CLYBL: variants seen among roughly 807,000 people sequenced by gnomAD.
CLYBL encodes the protein citramalyl-CoA lyase, also known as citramalyl-CoA lyase, mitochondrial.
In CLYBL, 31 loss-of-function variants were observed where a neutral mutation model predicts 38.9. The ratio of observed to expected loss-of-function variants is 0.80; its 90% CI spans 0.60 to 1.08. The LOEUF (loss-of-function observed/expected upper bound fraction) is 1.08. Among genes scored for constraint, CLYBL ranks in the 50% least tolerant of loss-of-function variants. CLYBL has a pLI of 0.00. For synonymous variants in CLYBL, 171 were observed against 158.6 expected (o/e 1.08, Z -0.59); for missense variants, 434 against 411.6 (o/e 1.05, Z -0.47).
chr13:99,802,425 A>G (rs917498162), intron 2 of CLYBL, among the ~76,000 whole-genome samples: 6 of 152,218 alleles, frequency 3.9e-5, no homozygotes, highest in African/African-American at 1.4e-4. Flanking sequence ...AGCAGAATGT[A>G]GCACATTTAG....
chr13:99,686,698 T>C (rs2047823229), intron 1 of CLYBL, among the ~76,000 whole-genome samples: 1 of 152,260 alleles, frequency 6.6e-6, no homozygotes, highest in African/African-American at 2.4e-5. Context: ...AATCTCCACT[T>C]CTGTCTGGAT....
intron 1 of CLYBL, among the ~76,000 whole-genome samples, chr13:99,730,405 G>C (rs1314550306): frequency 6.6e-6 from 1 of 152,248 alleles, no homozygotes; most frequent in Admixed American, 6.5e-5. Context: ...TGGCTGGAGC[G>C]AGTCACGGGG....
chr13:99,828,470 G>A (rs1040568765), intron 2 of CLYBL, among the ~76,000 whole-genome samples: 4 of 152,164 alleles, frequency 2.6e-5, no homozygotes, highest in Non-Finnish European at 1.5e-5. Flanking sequence ...TTATTTTTAA[G>A]CACTCTAAAA....
intron 7 of CLYBL, among the ~76,000 whole-genome samples, chr13:99,872,592 G>C (rs1001625660): frequency 6.6e-6 from 1 of 152,120 alleles, no homozygotes; most frequent in African/African-American, 2.4e-5. Context: ...AACACCTCCT[G>C]GTGAAATAGG....
At chr13:99,763,569 T>A (rs928176183) in intron 1 of CLYBL, among the ~76,000 whole-genome samples, 1 of 129,622 alleles carries the variant, frequency 7.7e-6, no homozygotes, top group African/African-American at 3.0e-5. Flanking sequence ...TTTTTTTTTT[T>A]ACTAGACAGA....
intron 7 of CLYBL, among the ~76,000 whole-genome samples, chr13:99,891,054 G>A (rs997536383): frequency 6.6e-6 from 1 of 152,076 alleles, no homozygotes; most frequent in African/African-American, 2.4e-5. Flanking sequence ...TTGATTTCAA[G>A]AGTTAACTGA....
At chr13:99,860,735 G>A (rs564798536) in intron 3 of CLYBL, among the ~76,000 whole-genome samples, 1 of 152,248 alleles carries the variant, frequency 6.6e-6, no homozygotes, top group Non-Finnish European at 1.5e-5. Flanking sequence ...CTAGTTAACA[G>A]AAGTCCTTTT....
downstream of CLYBL, chr13:99,896,886 A>C (rs2052588016): frequency 6.6e-6 from 1 of 152,212 alleles, no homozygotes; most frequent in South Asian, 2.1e-4. Flanking sequence ...TGCTTCATTC[A>C]TTCATTTAGT....
chr13:99,834,816 G>C (rs1043980519), intron 2 of CLYBL, among the ~76,000 whole-genome samples: 2 of 152,178 alleles, frequency 1.3e-5, no homozygotes. Context: ...CAGAAATGAA[G>C]GAAATGTTCT....
chr13:99,850,961 A>G (rs2051315331), intron 2 of CLYBL, among the ~76,000 whole-genome samples: 1 of 152,264 alleles, frequency 6.6e-6, no homozygotes, highest in Admixed American at 6.5e-5. Flanking sequence ...GGAAATATAT[A>G]GAATAGACAA....
At chr13:99,772,541 AC>A (rs1330845082) in intron 1 of CLYBL, among the ~76,000 whole-genome samples, 1 of 152,066 alleles carries the variant, frequency 6.6e-6, no homozygotes, top group Non-Finnish European at 1.5e-5. Flanking sequence ...TACAAAAAAT[AC>A]AAAAAATTAG....
intron 2 of CLYBL, among the ~76,000 whole-genome samples, chr13:99,773,881 G>A (rs975951937): frequency 2.0e-5 from 3 of 152,140 alleles, no homozygotes; most frequent in Non-Finnish European, 2.9e-5. Context: ...GTGGTTGGCT[G>A]TAGCTTCTGG....
chr13:99,786,541 C>A (rs1281783988), intron 2 of CLYBL, among the ~76,000 whole-genome samples: 4 of 151,976 alleles, frequency 2.6e-5, no homozygotes, highest in East Asian at 1.9e-4. Context: ...TGAACTCATC[C>A]TTTTTTATGG....
chr13:99,847,947 C>T (rs1056472422), intron 2 of CLYBL, among the ~76,000 whole-genome samples: 1 of 152,200 alleles, frequency 6.6e-6, no homozygotes, highest in African/African-American at 2.4e-5. Flanking sequence ...CTTCAGGGCT[C>T]TCCATTGTCT....
intron 1 of CLYBL, among the ~76,000 whole-genome samples, chr13:99,731,251 C>T (rs1566305170): frequency 6.6e-6 from 1 of 151,184 alleles, no homozygotes; most frequent in Non-Finnish European, 1.5e-5. Context: ...GCAAAGCCTT[C>T]TTTAAAAGTT....
chr13:99,771,336 C>A (rs919532412), intron 1 of CLYBL, among the ~76,000 whole-genome samples: 2 of 152,160 alleles, frequency 1.3e-5, no homozygotes, highest in African/African-American at 4.8e-5. Flanking sequence ...CGTGGGCCAC[C>A]ACACATGGCC....
intron 6 of CLYBL, among the ~76,000 whole-genome samples, chr13:99,870,466 G>GTCATTACA (rs750948529): frequency 6.6e-6 from 1 of 152,114 alleles, no homozygotes; most frequent in Non-Finnish European, 1.5e-5. Flanking sequence ...AAAACCAGCA[G>GTCATTACA]ACCATTTCTA....
chr13:99,769,199 A>G lies in CLYBL; in HGVS notation c.63-3625A>G, dbSNP rs180771520. ...AGGAACATGGGCACAGCTGCCTACC[A>G]TGTGACTGAGAGGTGGGGGATGGGT... On this transcript the variant is annotated intron_variant, in intron 1 of 8. Transcript: ENST00000339105. 1.2e-4 allele frequency among the ~76,000 whole-genome samples: 19 copies of G among 152,314 alleles called. No homozygotes were observed. The East Asian group carries it at 2.3e-3, about 19-fold the overall frequency.
chr13:99,765,117 G>T (rs1484786543), intron 1 of CLYBL, among the ~76,000 whole-genome samples: 1 of 147,462 alleles, frequency 6.8e-6, no homozygotes, highest in Admixed American at 6.8e-5. Flanking sequence ...AGTGTTTCTT[G>T]TAAGATGGTG....
Sources: gnomAD v4.1 joint callset for allele counts (sites outside exome capture counted in the v4.1 genomes callset) on GRCh38, gnomAD v4.1.1 for gene constraint, MANE v1.5 for transcripts, NCBI Gene and HGNC (gene_info 2026-07-23, HGNC 2026-07-21) for gene names.